LUZP2: variants seen among roughly 807,000 people sequenced by gnomAD.
LUZP2 encodes the protein leucine zipper protein 2.
LUZP2 carries 52 observed loss-of-function variants against 51.6 expected under a neutral mutation model. The ratio of observed to expected loss-of-function variants is 1.01; its 90% confidence interval spans 0.81 to 1.27. The LOEUF (loss-of-function observed/expected upper bound fraction) is 1.27, where lower values mean the gene tolerates loss of function less well. Among genes scored for constraint, LUZP2 ranks in the 50% most tolerant of loss-of-function variants. The pLI is 0.00. For missense variants in LUZP2, 436 were observed against 395.4 expected (o/e 1.10, Z -0.87); for synonymous variants, 154 against 137.3 (o/e 1.12, Z -0.85).
At chr11:24,953,935 C>T (rs939881043) in intron 7 of LUZP2, among the ~76,000 whole-genome samples, 2 of 151,702 alleles carry the variant, frequency 1.3e-5, no homozygotes, top group African/African-American at 4.8e-5. Flanking sequence ...GGAAGTTAAA[C>T]ATTATGTATT....
intron 5 of LUZP2, among the ~76,000 whole-genome samples, chr11:24,822,313 T>C (rs555813159): frequency 6.6e-6 from 1 of 152,306 alleles, no homozygotes; most frequent in South Asian, 2.1e-4. Flanking sequence ...AAGTTTTTGT[T>C]GCTACTTTTA....
intron 6 of LUZP2, among the ~76,000 whole-genome samples, chr11:24,913,579 T>C (rs1327257200): frequency 1.3e-5 from 2 of 152,112 alleles, no homozygotes; most frequent in Non-Finnish European, 2.9e-5. Context: ...AACTGTCAGT[T>C]TCCCCAAATG....
intron 5 of LUZP2, among the ~76,000 whole-genome samples, chr11:24,863,679 A>G (rs1851805208): frequency 6.6e-6 from 1 of 152,148 alleles, no homozygotes; most frequent in Non-Finnish European, 1.5e-5. Flanking sequence ...GCTGAATTGT[A>G]CTCTTTAAAT....
chr11:25,055,954 A>C (rs555004427), intron 10 of LUZP2, among the ~76,000 whole-genome samples: 1 of 152,300 alleles, frequency 6.6e-6, no homozygotes, highest in Non-Finnish European at 1.5e-5. Flanking sequence ...TGACTAGCAC[A>C]GCAAGCTCTC....
chr11:25,016,257 A>T (rs1857152260), intron 9 of LUZP2, among the ~76,000 whole-genome samples: 1 of 151,972 alleles, frequency 6.6e-6, no homozygotes, highest in Non-Finnish European at 1.5e-5. Flanking sequence ...CCATCCAAGT[A>T]GTATATATTT....
chr11:24,875,976 T>A (rs1406420746), intron 5 of LUZP2, among the ~76,000 whole-genome samples: 1 of 151,836 alleles, frequency 6.6e-6, no homozygotes, highest in African/African-American at 2.4e-5. Flanking sequence ...TAAATTTGTT[T>A]GAGTTCATTG....
rs201918787 is a variant in LUZP2, at chr11:24,732,132, T to C, written c.195T>C (p.Asp65=). 4 of 1,608,806 alleles carry C rather than the reference T, an allele frequency of 2.5e-6. No individual in the cohort carries two copies. Among genetic ancestry groups the C allele is most frequent in the South Asian group, 1.1e-5 (1 of 90,548 alleles). ...IKVNLQSLKN[D]EQSAKTDVQK... is the part of the protein sequence containing the mutation. ...TTTCTTATCAGTCCTTAAAAAACGATGAGCAGTCTGCCAAAACTGATGTTC... is the reference window on the plus strand; with the variant it reads ...TTTCTTATCAGTCCTTAAAAAACGACGAGCAGTCTGCCAAAACTGATGTTC... Residue 65 remains aspartate, a synonymous_variant, in exon 3 of 12, where the codon GAT becomes GAC. Transcript: ENST00000336930.
intron 1 of LUZP2, among the ~76,000 whole-genome samples, chr11:24,545,816 T>C (rs1851522306): frequency 6.6e-6 from 1 of 152,138 alleles, no homozygotes; most frequent in African/African-American, 2.4e-5. Flanking sequence ...TTTCTAATTC[T>C]ATGAAGAATG....
At chr11:24,566,332 T>TATTGTATTATTTATTTATTTATTTA (rs373379117) in intron 1 of LUZP2, among the ~76,000 whole-genome samples, 2 of 132,636 alleles carry the variant, frequency 1.5e-5, no homozygotes. Flanking sequence ...ATTTATTTTT[T>TATTGTATTATTTATTTATTTATTTA]TTTTTTTTTT....
chr11:24,986,328 C>T (rs1017535291), intron 9 of LUZP2, among the ~76,000 whole-genome samples: 1 of 151,380 alleles, frequency 6.6e-6, no homozygotes, highest in African/African-American at 2.4e-5. Context: ...CTATATAGTG[C>T]CATAATCTGT....
intron 5 of LUZP2, among the ~76,000 whole-genome samples, chr11:24,870,645 A>G (rs76535651): frequency 0.014 from 2,089 of 152,264 alleles, 44 homozygotes; most frequent in African/African-American, 0.048. Flanking sequence ...AAAGTATCCT[A>G]AAGTCTCTGG....
intron 1 of LUZP2, among the ~76,000 whole-genome samples, chr11:24,659,572 A>T (rs1001481789): frequency 3.3e-5 from 5 of 151,314 alleles, no homozygotes; most frequent in African/African-American, 9.7e-5. Flanking sequence ...AAGTATAATT[A>T]AAAAAAAATA....
intron 5 of LUZP2, among the ~76,000 whole-genome samples, chr11:24,866,641 A>AC (rs1271277616): frequency 2.0e-5 from 3 of 152,028 alleles, no homozygotes; most frequent in African/African-American, 7.2e-5. Flanking sequence ...AACAGAACAC[A>AC]AAAAAAACTG....
At chr11:24,623,581 C>T (rs1198671078) in intron 1 of LUZP2, among the ~76,000 whole-genome samples, 2 of 152,122 alleles carry the variant, frequency 1.3e-5, no homozygotes, top group African/African-American at 2.4e-5. Context: ...CACAGTGGCT[C>T]ACGTTTGTAA....
At chr11:24,754,797 G>C (rs1179971656) in intron 4 of LUZP2, among the ~76,000 whole-genome samples, 1 of 152,146 alleles carries the variant, frequency 6.6e-6, no homozygotes, top group Non-Finnish European at 1.5e-5. Flanking sequence ...ACTCAGTAGT[G>C]AGCTGTAGGT....
At chr11:24,685,025 CTGTGTG>C (rs5741709) in intron 1 of LUZP2, among the ~76,000 whole-genome samples, 26,354 of 147,646 alleles carry the variant, frequency 0.18, 2,551 homozygotes, top group Admixed American at 0.26. Context: ...GTATTTTGCT[CTGTGTG>C]TGTGTGTGTG....
intron 1 of LUZP2, among the ~76,000 whole-genome samples, chr11:24,615,603 G>A (rs914395622): frequency 1.3e-5 from 2 of 151,912 alleles, no homozygotes; most frequent in Non-Finnish European, 2.9e-5. Flanking sequence ...CAAATGCTAT[G>A]AATATTTCTG....
intron 1 of LUZP2, among the ~76,000 whole-genome samples, chr11:24,618,586 T>C (rs1462819478): frequency 1.3e-5 from 2 of 152,328 alleles, no homozygotes; most frequent in East Asian, 3.9e-4. Flanking sequence ...TACTTGTCTA[T>C]ATATTACAAG....
chr11:24,598,547 G>A (rs1590222805), intron 1 of LUZP2, among the ~76,000 whole-genome samples: 1 of 152,090 alleles, frequency 6.6e-6, no homozygotes, highest in Non-Finnish European at 1.5e-5. Context: ...AAGTGAAGAT[G>A]AGGAGGGACG....
Sources: gnomAD v4.1 joint callset for allele counts (sites outside exome capture counted in the v4.1 genomes callset) on GRCh38, gnomAD v4.1.1 for gene constraint, MANE v1.5 for transcripts, NCBI Gene and HGNC (gene_info 2026-07-23, HGNC 2026-07-21) for gene names.